Variants in BUB1B observed in about 807,000 individuals in gnomAD.
The protein encoded by BUB1B is mitotic checkpoint serine/threonine-protein kinase BUB1 beta.
Under a neutral mutation model 137.7 loss-of-function variants are expected in BUB1B, and 86 were observed. That is an observed-to-expected ratio of 0.62 (90% CI 0.52 to 0.75). The LOEUF (loss-of-function observed/expected upper bound fraction) is 0.75, where lower values mean the gene tolerates loss of function less well. Ranked by LOEUF, BUB1B falls within the 30% of genes least tolerant of loss-of-function variation. The pLI is 0.00. For synonymous variants in BUB1B, 420 were observed against 417.9 expected (o/e 1.00, Z -0.06); for missense variants, 1,130 against 1,236.9 (o/e 0.91, Z 1.30).
chr15:40,190,034 G>C (rs2037416494), intron 8 of BUB1B, among the ~76,000 whole-genome samples: 1 of 152,056 alleles, frequency 6.6e-6, no homozygotes. Context: ...TAAATCCTTG[G>C]CCTATTTTTC....
chr15:40,200,284 A>C lies in BUB1B; in HGVS notation c.1442A>C (p.Gln481Pro), dbSNP rs1060499944. The change falls in exon 11 of 23, where the codon CAA becomes CCA. Residue 481 changes from glutamine to proline, a missense_variant. Transcript: ENST00000287598. ...CCTACAAAGGAGACAACTAAACTGC[A>C]AATTGCTTCCGAGTCTCAGAAAATA... ...TMPTKETTKL[Q>P]IASESQKIPG... 4.3e-6 allele frequency: 7 copies of C among 1,613,810 alleles called. No individual in the cohort carries two copies. Among genetic ancestry groups the C allele is most frequent in the Non-Finnish European group, 5.9e-6 (7 of 1,179,872 alleles).
At chr15:40,181,959 G>A (rs774120840) in intron 5 of BUB1B, among the ~76,000 whole-genome samples, 3 of 152,134 alleles carry the variant, frequency 2.0e-5, no homozygotes, top group African/African-American at 2.4e-5. Context: ...ATCCCAACAC[G>A]CTGGGAGGCC....
Position 40,220,792 on chromosome 15 carries a change from C to G in BUB1B, c.*33C>G. The stretch of plus-strand genomic sequence containing the variant: ...AATCAAGTCTCACAGATTGCTGCCT[C>G]AGAGCAATGGTTGTATTGTGGAACA... On this transcript the variant is annotated 3_prime_UTR_variant, in exon 23 of 23. Coordinates refer to ENST00000287598, the MANE Select transcript of BUB1B (RefSeq NM_001211.6). The G allele has an allele frequency of 6.3e-7, 1 of 1,591,956 alleles. No homozygotes were observed.
At chr15:40,182,200 T>C (rs868361770) in intron 5 of BUB1B, among the ~76,000 whole-genome samples, 2 of 152,236 alleles carry the variant, frequency 1.3e-5, no homozygotes, top group South Asian at 2.1e-4. Flanking sequence ...TGAGACTCCA[T>C]CTCAAAAAAC....
At chr15:40,198,689 C>T (rs1162729821) in intron 9 of BUB1B, among the ~76,000 whole-genome samples, 1 of 152,200 alleles carries the variant, frequency 6.6e-6, no homozygotes, top group East Asian at 1.9e-4. Context: ...TTTTCTATCT[C>T]CTGAGCCTCC....
intron 21 of BUB1B, 84 bp from the exon 22 acceptor site, chr15:40,218,372 A>G (rs891159098): frequency 9.3e-6 from 9 of 969,356 alleles, no homozygotes; most frequent in African/African-American, 1.6e-5. Flanking sequence ...AAGCACTGTA[A>G]TACCTTTCAA....
Position 40,185,317 on chromosome 15 carries a change from AG to A in BUB1B, c.907del (p.Ala303ProfsTer28). On this transcript the variant is annotated frameshift_variant, in exon 7 of 23. Coordinates refer to ENST00000287598, the MANE Select transcript of BUB1B (RefSeq NM_001211.6). LOFTEE classifies it high-confidence loss of function. ...VQPWIAPPMPRAKENELQAGP... is the reference protein window; with the variant it reads ...VQPWIAPPMPXAKENELQAGP... ...GCCATGGATAGCACCCCCCATGCCC[AG>A]GGCCAAAGAGAATGAGCTGCAAGCA... 1 of 1,614,208 alleles carries A rather than the reference AG, an allele frequency of 6.2e-7. No homozygotes were observed. Among genetic ancestry groups the A allele is most frequent in the Non-Finnish European group, 8.5e-7 (1 of 1,180,034 alleles).
chr15:40,209,569 T>C (rs915269823), intron 16 of BUB1B, 66 bp from the exon 17 acceptor site: 3 of 1,585,286 alleles, frequency 1.9e-6, no homozygotes, highest in Non-Finnish European at 2.6e-6. Flanking sequence ...TACTCTGTTA[T>C]AATATCCATT....
intron 2 of BUB1B, 62 bp downstream of exon 2, chr15:40,165,258 G>C (rs1259902443): frequency 1.9e-6 from 3 of 1,608,868 alleles, no homozygotes; most frequent in Non-Finnish European, 2.6e-6. Context: ...AGATAACGTG[G>C]GTGTGGATCC....
chr15:40,218,138 C>T (rs2037825847), intron 21 of BUB1B, among the ~76,000 whole-genome samples: 1 of 152,216 alleles, frequency 6.6e-6, no homozygotes, highest in African/African-American at 2.4e-5. Context: ...ATATGTAGCA[C>T]AAACCTGAAC....
chr15:40,213,069 T>C (rs2037734330), intron 19 of BUB1B, among the ~76,000 whole-genome samples: 1 of 148,518 alleles, frequency 6.7e-6, no homozygotes, highest in Non-Finnish European at 1.5e-5. Flanking sequence ...GGAATGAGGG[T>C]ATTTTAAATC....
chr15:40,209,844 G>T (rs1295504421), intron 17 of BUB1B, 69 bp downstream of exon 17: 9 of 1,571,538 alleles, frequency 5.7e-6, no homozygotes, highest in Middle Eastern at 1.7e-4. Context: ...TTGTACTTAA[G>T]CTTGATGCTT....
chr15:40,221,090 G>A lies in BUB1B; in HGVS notation c.*331G>A. On this transcript the variant is annotated 3_prime_UTR_variant, in exon 23 of 23. Transcript: ENST00000287598. ...TAAAATGTTCTCTTATGATCACCAT[G>A]TATTTTGTAAATAATAAAATAGTAT... 2.8e-6 allele frequency: 1 copy of A among 352,676 alleles called. No individual in the cohort carries two copies. Among genetic ancestry groups the A allele is most frequent in the Non-Finnish European group, 5.3e-6 (1 of 190,460 alleles). The allele number at this position is 352,676 out of a possible 1,614,324, so 21.8% of individuals were successfully genotyped here. A position where few individuals can be genotyped will look rare whatever the true frequency, so the allele number is the denominator to read the frequency against.
chr15:40,188,755 G>T (rs945321156), intron 8 of BUB1B, among the ~76,000 whole-genome samples: 6 of 151,642 alleles, frequency 4.0e-5, no homozygotes, highest in Admixed American at 6.6e-5. Flanking sequence ...GCTAATTTTT[G>T]TATTTTTAGT....
intron 15 of BUB1B, 85 bp downstream of exon 15, chr15:40,206,543 C>T: frequency 5.2e-6 from 8 of 1,544,482 alleles, no homozygotes; most frequent in Non-Finnish European, 7.1e-6. Context: ...AATCAGTTAT[C>T]AAGTTCTTAC....
intron 15 of BUB1B, 46 bp from the exon 16 acceptor site, chr15:40,208,591 A>T (rs1226158213): frequency 1.3e-6 from 2 of 1,515,184 alleles, no homozygotes; most frequent in Non-Finnish European, 1.8e-6. Flanking sequence ...AACAAAGTTG[A>T]TATATATTAT....
At chr15:40,178,038 A>AT (rs781237183) in intron 5 of BUB1B, among the ~76,000 whole-genome samples, 451 of 135,470 alleles carry the variant, frequency 3.3e-3, no homozygotes, top group Middle Eastern at 8.0e-3. Flanking sequence ...CATTTCATTG[A>AT]TTTTTTTTTT....
intron 20 of BUB1B, 168 bp from the exon 21 acceptor site, chr15:40,217,328 G>A: frequency 1.5e-6 from 1 of 678,948 alleles, no homozygotes; most frequent in Non-Finnish European, 2.6e-6. Flanking sequence ...GCATTGGGTG[G>A]ACACTGCCAC....
At chr15:40,179,154 T>C (rs2037255219) in intron 5 of BUB1B, among the ~76,000 whole-genome samples, 1 of 146,616 alleles carries the variant, frequency 6.8e-6, no homozygotes, top group Admixed American at 6.8e-5. Context: ...TACTATTTCC[T>C]TTTTTTTTTT....
Sources: allele counts gnomAD v4.1 joint callset (sites outside exome capture counted in the v4.1 genomes callset), GRCh38; gene constraint gnomAD v4.1.1; transcripts MANE v1.5; gene names NCBI Gene and HGNC (gene_info 2026-07-23, HGNC 2026-07-21).